Variants in RALGPS1 observed in about 807,000 individuals in gnomAD.
RALGPS1 encodes Ral GEF with PH domain and SH3 binding motif 1.
A neutral mutation model predicts 78.8 loss-of-function variants in RALGPS1; 19 were observed. That is an observed-to-expected ratio of 0.24 (90% CI 0.17 to 0.35). RALGPS1 has a LOEUF of 0.35. RALGPS1 is among the 10% of genes least tolerant of loss of function. The pLI, the probability that RALGPS1 is intolerant of heterozygous loss-of-function variation, is 1.00. For synonymous variants in RALGPS1, 228 were observed against 256.3 expected, an observed-to-expected ratio of 0.89 and a Z score of 1.06; for missense variants, 454 against 688.3, an observed-to-expected ratio of 0.66 and a Z score of 3.81.
At chr9:127,073,311 G>A (rs2050367598) in intron 8 of RALGPS1, among the ~76,000 whole-genome samples, 1 of 152,092 alleles carries the variant, frequency 6.6e-6, no homozygotes, top group South Asian at 2.1e-4. Flanking sequence ...TTTTTAGCTA[G>A]CACATATGAG....
intron 1 of RALGPS1, among the ~76,000 whole-genome samples, chr9:126,938,927 GC>G (rs2131367603): frequency 6.6e-6 from 1 of 152,314 alleles, no homozygotes; most frequent in African/African-American, 2.4e-5. Flanking sequence ...AGACAAACTA[GC>G]CCCCGTTTTT....
chr9:126,958,801 A>G (rs938641046), intron 1 of RALGPS1, among the ~76,000 whole-genome samples: 12 of 152,204 alleles, frequency 7.9e-5, no homozygotes, highest in African/African-American at 2.9e-4. Flanking sequence ...TTACTGGGTC[A>G]TGTGATAAAT....
intron 3 of RALGPS1, among the ~76,000 whole-genome samples, chr9:126,970,359 C>A (rs1216491667): frequency 6.6e-6 from 1 of 152,048 alleles, no homozygotes; most frequent in African/African-American, 2.4e-5. Flanking sequence ...ATAAGAGAAC[C>A]CCAAAGTTGT....
intron 4 of RALGPS1, among the ~76,000 whole-genome samples, chr9:126,980,094 A>C (rs370203642): frequency 3.3e-5 from 5 of 152,262 alleles, no homozygotes; most frequent in East Asian, 1.9e-4. Context: ...TTTGCTCCTC[A>C]TTGTCAAAAC....
At chr9:127,072,004 T>C (rs1589312091) in intron 8 of RALGPS1, among the ~76,000 whole-genome samples, 1 of 152,222 alleles carries the variant, frequency 6.6e-6, no homozygotes, top group East Asian at 1.9e-4. Context: ...CCTTCAGCCT[T>C]AGGCAACTAT....
At chr9:127,202,337 G>A (rs1462005192) in intron 14 of RALGPS1, among the ~76,000 whole-genome samples, 1 of 152,140 alleles carries the variant, frequency 6.6e-6, no homozygotes, top group East Asian at 1.9e-4. Flanking sequence ...CTGAGTTTAT[G>A]CACATAGATG....
chr9:127,217,335 A>C (rs1443299695), intron 18 of RALGPS1: 6 of 1,022,806 alleles, frequency 5.9e-6, no homozygotes, highest in Non-Finnish European at 7.0e-6. Context: ...AAAGTTGACA[A>C]CAACTGAAAT....
intron 8 of RALGPS1, among the ~76,000 whole-genome samples, chr9:127,115,178 G>A (rs899435993): frequency 2.1e-4 from 32 of 151,478 alleles, no homozygotes; most frequent in African/African-American, 6.4e-4. Flanking sequence ...GTTGTCTTAC[G>A]TAATTATTAT....
chr9:127,156,679 T>C (rs2058723315), intron 8 of RALGPS1, among the ~76,000 whole-genome samples: 1 of 152,176 alleles, frequency 6.6e-6, no homozygotes, highest in African/African-American at 2.4e-5. Context: ...ATTCTATTTG[T>C]CTTTCAGCTT....
chr9:126,947,226 T>C (rs911050492), intron 1 of RALGPS1, among the ~76,000 whole-genome samples: 8 of 152,208 alleles, frequency 5.3e-5, no homozygotes, highest in African/African-American at 1.9e-4. Flanking sequence ...GAATCCACGC[T>C]ACCTGCCAGG....
chr9:127,209,478 C>G (rs1244285309), intron 14 of RALGPS1, among the ~76,000 whole-genome samples: 1 of 152,244 alleles, frequency 6.6e-6, no homozygotes. Context: ...CAGGGCCTCT[C>G]TTGTCTGTGC....
chr9:126,966,811 C>T (rs1229146947), intron 3 of RALGPS1, among the ~76,000 whole-genome samples: 1 of 151,926 alleles, frequency 6.6e-6, no homozygotes, highest in East Asian at 1.9e-4. Flanking sequence ...TATCTTCAAC[C>T]AATGTGTTGC....
intron 10 of RALGPS1, among the ~76,000 whole-genome samples, chr9:127,173,201 G>T (rs1025948123): frequency 6.6e-6 from 1 of 152,200 alleles, no homozygotes; most frequent in Non-Finnish European, 1.5e-5. Flanking sequence ...TCGTTGGGGA[G>T]CTGTATCCCA....
In RALGPS1 at chr9:127,182,392, C is replaced by T. The variant is rs146196583; in HGVS notation, c.910+7610C>T. ...TTCCTCCCTCCCTCCCTCCCTCCCT[C>T]CCTCCCTTCCTTCCTCCCTTCCTTC... On this transcript the variant is annotated intron_variant, in intron 11 of 18. Coordinates refer to ENST00000259351, the MANE Select transcript of RALGPS1 (RefSeq NM_014636.3). 3.1e-3 allele frequency among the ~76,000 whole-genome samples: 162 copies of T among 52,370 alleles called. 6 individuals are homozygous for T. Among genetic ancestry groups the T allele is most frequent in the Admixed American group, 3.9e-3 (21 of 5,424 alleles). The allele number at this position is 52,370 out of a possible 152,430, so 34.4% of individuals were successfully genotyped here.
chr9:127,139,238 T>C (rs1447889195), intron 8 of RALGPS1, among the ~76,000 whole-genome samples: 1 of 152,178 alleles, frequency 6.6e-6, no homozygotes, highest in East Asian at 1.9e-4. Context: ...AAGTCACCCA[T>C]GTTCCCATCT....
At chr9:127,063,719 G>T (rs1316120443) in intron 7 of RALGPS1, among the ~76,000 whole-genome samples, 1 of 152,114 alleles carries the variant, frequency 6.6e-6, no homozygotes, top group Non-Finnish European at 1.5e-5. Context: ...AATAATAAAT[G>T]AGTTTAAAGC....
intron 7 of RALGPS1, among the ~76,000 whole-genome samples, chr9:127,066,260 G>T (rs1252146465): frequency 6.6e-6 from 1 of 152,234 alleles, no homozygotes; most frequent in African/African-American, 2.4e-5. Flanking sequence ...TTAATGGCTG[G>T]CATTGCCAAA....
intron 14 of RALGPS1, among the ~76,000 whole-genome samples, chr9:127,199,796 A>T (rs2061533779): frequency 1.3e-5 from 2 of 152,214 alleles, no homozygotes; most frequent in African/African-American, 2.4e-5. Flanking sequence ...GGTGAAGGGC[A>T]TCGTGGCGAC....
At chr9:127,181,597 G>A (rs1167030632) in intron 11 of RALGPS1, among the ~76,000 whole-genome samples, 1 of 152,186 alleles carries the variant, frequency 6.6e-6, no homozygotes, top group African/African-American at 2.4e-5. Flanking sequence ...TCCTCAGAAG[G>A]CAACTTCCAT....
Sources: gnomAD v4.1 joint callset for allele counts (sites outside exome capture counted in the v4.1 genomes callset) on GRCh38, gnomAD v4.1.1 for gene constraint, MANE v1.5 for transcripts, NCBI Gene and HGNC (gene_info 2026-07-23, HGNC 2026-07-21) for gene names.